RUBCNL: variants seen among roughly 807,000 people sequenced by gnomAD.
The protein encoded by RUBCNL is rubicon like autophagy enhancer.
In RUBCNL, 62 loss-of-function variants were observed where a neutral mutation model predicts 69.5. That is an observed-to-expected ratio of 0.89 (90% CI 0.73 to 1.10). The LOEUF is 1.10. RUBCNL is among the 50% of genes least tolerant of loss of function. The pLI is 0.00. For missense variants in RUBCNL, 768 were observed against 798.1 expected, an observed-to-expected ratio of 0.96 and a Z score of 0.45; for synonymous variants, 291 against 303.6, an observed-to-expected ratio of 0.96 and a Z score of 0.43.
chr13:46,380,175 A>G (rs2049088578), intron 1 of RUBCNL, among the ~76,000 whole-genome samples: 2 of 152,242 alleles, frequency 1.3e-5, no homozygotes, highest in Non-Finnish European at 2.9e-5. Flanking sequence ...ACAGAAGGAC[A>G]GAAAGCAATC....
At chr13:46,367,946 A>G (rs2476664) in intron 5 of RUBCNL, 96 bp downstream of exon 5, 411,750 of 1,142,290 alleles carry the variant, frequency 0.36, 77,722 homozygotes, top group East Asian at 0.61. Flanking sequence ...TTCCACTGGG[A>G]GTCTTGGAAT....
intron 5 of RUBCNL, among the ~76,000 whole-genome samples, chr13:46,367,058 T>C (rs2048772819): frequency 6.6e-6 from 1 of 152,062 alleles, no homozygotes; most frequent in Non-Finnish European, 1.5e-5. Flanking sequence ...AAAAAGAATA[T>C]AGGACTGGAG....
At position 46,356,814 on chromosome 13, in the gene RUBCNL, T is replaced by A. The variant is rs530147086; in HGVS notation, c.1266-318A>T. Reference sequence around the variant, plus strand: ...AAACTCCTCGGCTCAGCTCAAGCAATCCTCAGCCTCCTGTGTAGGTAGCTA... The same window carrying A: ...AAACTCCTCGGCTCAGCTCAAGCAAACCTCAGCCTCCTGTGTAGGTAGCTA... On this transcript the variant is annotated intron_variant, in intron 9 of 14. Transcript: ENST00000429979. 4.0e-4 allele frequency among the ~76,000 whole-genome samples: 60 copies of A among 151,680 alleles called. 1 individual carries two copies. Among genetic ancestry groups the A allele is most frequent in the Non-Finnish European group, 7.4e-4 (50 of 67,940 alleles).
At chr13:46,378,026 T>A in intron 1 of RUBCNL, 21 bp from the exon 2 acceptor site, 1 of 1,350,796 alleles carries the variant, frequency 7.4e-7, no homozygotes, top group Non-Finnish European at 1.0e-6. Context: ...AAAAACAATT[T>A]GCCAGATGCT....
chr13:46,372,021 C>T lies in RUBCNL; in HGVS notation c.455G>A (p.Gly152Glu). The T allele has an allele frequency of 6.2e-7, 1 of 1,613,952 alleles. No homozygotes were observed. Among genetic ancestry groups the T allele is most frequent in the Non-Finnish European group, 8.5e-7 (1 of 1,179,882 alleles). ...SHRVSLPTSP[G>E]ILATSPYPET... ...AGGATATGGGGAGGTGGCCAAAATCCCAGGGCTTGTGGGCAGAGACACCCG... is the reference window on the plus strand; with the variant it reads ...AGGATATGGGGAGGTGGCCAAAATCTCAGGGCTTGTGGGCAGAGACACCCG... The change falls in exon 3 of 15, where the codon GGG becomes GAG. Residue 152 changes from glycine (G) to glutamate (E), a missense_variant. By Grantham distance (98) the Gly-to-Glu change is moderately conservative (BLOSUM62 -2). Transcript: ENST00000429979.
At chr13:46,376,101 A>T (rs2048987680) in intron 2 of RUBCNL, among the ~76,000 whole-genome samples, 1 of 152,162 alleles carries the variant, frequency 6.6e-6, no homozygotes, top group South Asian at 2.1e-4. Flanking sequence ...ACTAACATAC[A>T]ACATATGTGT....
chr13:46,366,758 A>G (rs1431740074), intron 5 of RUBCNL, among the ~76,000 whole-genome samples: 3 of 152,120 alleles, frequency 2.0e-5, no homozygotes, highest in Non-Finnish European at 4.4e-5. Flanking sequence ...AGTGATGGAG[A>G]GATGACTAGT....
intron 12 of RUBCNL, among the ~76,000 whole-genome samples, chr13:46,347,120 T>A (rs573435861): frequency 1.3e-5 from 2 of 152,344 alleles, no homozygotes; most frequent in East Asian, 3.9e-4. Flanking sequence ...AGACTTTTAA[T>A]GCCTTTTCTT....
At chr13:46,350,400 A>G in intron 10 of RUBCNL, 49 bp from the exon 11 acceptor site, 1 of 1,343,580 alleles carries the variant, frequency 7.4e-7, no homozygotes. Context: ...CTGAAAACCT[A>G]TCCTGGTATA....
rs781627748 is a variant in RUBCNL at position 46,359,587 on chromosome 13, C to G, written c.1164G>C (p.Met388Ile). Residue 388 changes from methionine (M) to isoleucine (I), a missense_variant, in exon 9 of 15, where the codon ATG becomes ATC. Coordinates refer to ENST00000429979, the MANE Select transcript of RUBCNL (RefSeq NM_025113.5). Reference sequence around the variant, plus strand: ...TAAATTTAATTTCCTGTACTACATTCATACTGGATTCAAAGTCTTTTCGGA... The same window carrying G: ...TAAATTTAATTTCCTGTACTACATTGATACTGGATTCAAAGTCTTTTCGGA... ...ECVRKDFESS[M>I]NVVQEIKFKS... 1.3e-6 allele frequency: 2 copies of G among 1,592,514 alleles called. No homozygotes were observed. The highest frequency in any genetic ancestry group is 4.5e-5 in the East Asian group (2 of 44,392).
intron 1 of RUBCNL, among the ~76,000 whole-genome samples, chr13:46,379,203 A>C (rs914730402): frequency 1.3e-5 from 2 of 152,050 alleles, no homozygotes; most frequent in African/African-American, 4.8e-5. Context: ...CAGTCTCCCA[A>C]GTAGCTGGGA....
intron 3 of RUBCNL, among the ~76,000 whole-genome samples, chr13:46,370,891 A>G (rs2048862000): frequency 6.6e-6 from 1 of 150,738 alleles, no homozygotes; most frequent in Non-Finnish European, 1.5e-5. Context: ...CCTTAGAACT[A>G]TCCAAGCAAG....
rs368540256 is a variant in RUBCNL, at chr13:46,350,199, C to A, written c.1483G>T (p.Asp495Tyr). ...YVSNFSKQLL[D>Y]SIWHQPIFNL... ...AAAATGGGCTGGTGCCATATGCTGTCGAGCAGCTGTTTGGAGAAATTGCTG... is the reference window on the plus strand; with the variant it reads ...AAAATGGGCTGGTGCCATATGCTGTAGAGCAGCTGTTTGGAGAAATTGCTG... Residue 495 changes from aspartate to tyrosine, a missense_variant, in exon 11 of 15, where the codon GAC (aspartate) becomes TAC (tyrosine). Asp to Tyr is a radical substitution (Grantham distance 160). Transcript: ENST00000429979. The A allele has an allele frequency of 1.8e-4, 282 of 1,591,724 alleles. No homozygotes were observed. Among genetic ancestry groups the A allele is most frequent in the Non-Finnish European group, 2.3e-4 (266 of 1,168,858 alleles).
chr13:46,388,258 AAGGCAGGCAGGCAGGC>A (rs372257587), upstream of RUBCNL, among the ~76,000 whole-genome samples: 1 of 139,340 alleles, frequency 7.2e-6, no homozygotes, highest in African/African-American at 2.7e-5. Context: ...GGGAGGGAGG[AAGGCAGGCAGGCAGGC>A]AGGAAGGAAC....
upstream of RUBCNL, among the ~76,000 whole-genome samples, chr13:46,388,305 A>AGAAG (rs545789180): frequency 3.5e-4 from 49 of 139,242 alleles, 1 homozygote; most frequent in Admixed American, 2.3e-3. Flanking sequence ...GAGGGAGGGA[A>AGAAG]GAAGGAAGGA....
chr13:46,357,499 A>G (rs1187566540), intron 9 of RUBCNL, among the ~76,000 whole-genome samples: 2 of 152,132 alleles, frequency 1.3e-5, no homozygotes, highest in Non-Finnish European at 2.9e-5. Context: ...GAGGCCATAC[A>G]CCAAAAGATG....
intron 12 of RUBCNL, among the ~76,000 whole-genome samples, chr13:46,346,002 C>G (rs1000191484): frequency 1.3e-5 from 2 of 152,162 alleles, no homozygotes; most frequent in Non-Finnish European, 2.9e-5. Flanking sequence ...GTCTATCAGC[C>G]TTATGGACTG....
intron 3 of RUBCNL, among the ~76,000 whole-genome samples, chr13:46,371,723 C>A (rs1212827057): frequency 6.6e-6 from 1 of 152,240 alleles, no homozygotes; most frequent in African/African-American, 2.4e-5. Context: ...CACTGATTAT[C>A]AACTACATTA....
intron 5 of RUBCNL, 55 bp from the exon 6 acceptor site, chr13:46,363,268 A>T: frequency 1.2e-6 from 1 of 827,960 alleles, no homozygotes; most frequent in Non-Finnish European, 1.8e-6. Flanking sequence ...GAAAAACTGT[A>T]CAACCTGCAA....
Sources: gnomAD v4.1 joint callset for allele counts (sites outside exome capture counted in the v4.1 genomes callset) on GRCh38, gnomAD v4.1.1 for gene constraint, MANE v1.5 for transcripts, NCBI Gene and HGNC (gene_info 2026-07-23, HGNC 2026-07-21) for gene names.